MARCHF1: variants seen among roughly 807,000 people sequenced by gnomAD.
MARCHF1 encodes E3 ubiquitin-protein ligase MARCHF1.
MARCHF1 carries 40 observed loss-of-function variants against 54.2 expected under a neutral mutation model. The observed-to-expected ratio is 0.74, with a 90% CI of 0.57 to 0.96. MARCHF1 has a LOEUF of 0.96. MARCHF1 is among the 40% of genes least tolerant of loss of function. MARCHF1 has a pLI of 0.00. For missense variants in MARCHF1, 586 were observed against 656.5 expected (o/e 0.89, Z 1.17); for synonymous variants, 236 against 236.3 (o/e 1.00, Z 0.01).
intron 2 of MARCHF1, among the ~76,000 whole-genome samples, chr4:164,083,738 C>T (rs1301133994): frequency 1.3e-5 from 2 of 151,986 alleles, no homozygotes; most frequent in Non-Finnish European, 2.9e-5. Flanking sequence ...TCTAACACTA[C>T]CCAATTCTGC....
chr4:164,370,847 G>T (rs1463301238), intron 1 of MARCHF1, among the ~76,000 whole-genome samples: 3 of 152,080 alleles, frequency 2.0e-5, no homozygotes, highest in Non-Finnish European at 4.4e-5. Flanking sequence ...GGCGGAGGTT[G>T]CATTGAGCCG....
intron 4 of MARCHF1, among the ~76,000 whole-genome samples, chr4:163,806,613 A>T (rs935340406): frequency 1.3e-5 from 2 of 152,154 alleles, no homozygotes; most frequent in Non-Finnish European, 2.9e-5. Context: ...GGAGGGGTTT[A>T]CTTTCAGGTG....
chr4:164,038,081 T>C (rs1754047239), intron 2 of MARCHF1, among the ~76,000 whole-genome samples: 2 of 152,200 alleles, frequency 1.3e-5, no homozygotes, highest in Non-Finnish European at 2.9e-5. Context: ...TGTCAATATC[T>C]TGGTTGTGAT....
At chr4:164,054,238 C>T (rs1254786833) in intron 2 of MARCHF1, among the ~76,000 whole-genome samples, 2 of 151,874 alleles carry the variant, frequency 1.3e-5, no homozygotes, top group South Asian at 2.1e-4. Context: ...CCATCTCACA[C>T]CAGTTAGAAT....
intron 1 of MARCHF1, among the ~76,000 whole-genome samples, chr4:164,171,624 C>CA (rs1306678204): frequency 6.6e-6 from 1 of 152,074 alleles, no homozygotes; most frequent in Admixed American, 6.5e-5. Flanking sequence ...GGAAGGCACA[C>CA]AAATTACTAG....
At chr4:163,793,914 G>A (rs943506538) in intron 4 of MARCHF1, among the ~76,000 whole-genome samples, 2 of 152,282 alleles carry the variant, frequency 1.3e-5, no homozygotes, top group African/African-American at 2.4e-5. Context: ...TGTTGGAGAC[G>A]TGAGTCTTGC....
intron 3 of MARCHF1, among the ~76,000 whole-genome samples, chr4:163,879,541 T>C (rs1246586139): frequency 6.6e-6 from 1 of 152,228 alleles, no homozygotes; most frequent in Non-Finnish European, 1.5e-5. Flanking sequence ...CAAAGGCTTA[T>C]ATGTAAAGTA....
At chr4:163,899,763 TACAC>T (rs70948674) in intron 3 of MARCHF1, among the ~76,000 whole-genome samples, 94,223 of 148,730 alleles carry the variant, frequency 0.63, 29,676 homozygotes, top group Middle Eastern at 0.73. Flanking sequence ...TCTCACCCAC[TACAC>T]ACACACACAC....
chr4:163,893,457 G>A (rs1750708256), intron 3 of MARCHF1, among the ~76,000 whole-genome samples: 1 of 152,092 alleles, frequency 6.6e-6, no homozygotes, highest in Admixed American at 6.6e-5. Context: ...AGGGCTGTTT[G>A]CCATACAATC....
chr4:164,090,802 G>C (rs1755281784), intron 2 of MARCHF1, among the ~76,000 whole-genome samples: 1 of 152,022 alleles, frequency 6.6e-6, no homozygotes, highest in South Asian at 2.1e-4. Flanking sequence ...AAACTAATCA[G>C]AAAGTTTGTG....
chr4:164,022,979 A>C (rs1011165369), intron 2 of MARCHF1, among the ~76,000 whole-genome samples: 2 of 152,178 alleles, frequency 1.3e-5, no homozygotes, highest in South Asian at 4.1e-4. Flanking sequence ...CATCATTCAC[A>C]GGGTCCAGAG....
chr4:164,252,731 A>T (rs1013708814), intron 1 of MARCHF1, among the ~76,000 whole-genome samples: 3 of 152,178 alleles, frequency 2.0e-5, no homozygotes, highest in African/African-American at 7.2e-5. Context: ...AATATTATCA[A>T]TCTGAAATAA....
chr4:164,276,633 G>C (rs939906377), intron 1 of MARCHF1, among the ~76,000 whole-genome samples: 1 of 150,728 alleles, frequency 6.6e-6, no homozygotes, highest in African/African-American at 2.4e-5. Context: ...ACTGCACATT[G>C]TATACATGTA....
intron 1 of MARCHF1, among the ~76,000 whole-genome samples, chr4:164,141,828 C>G (rs921106102): frequency 3.3e-5 from 5 of 152,098 alleles, no homozygotes; most frequent in African/African-American, 4.8e-5. Context: ...CCAAGATGGC[C>G]GAATAGGAAC....
At chr4:163,624,601 A>G (rs1741806658) in intron 5 of MARCHF1, among the ~76,000 whole-genome samples, 2 of 152,180 alleles carry the variant, frequency 1.3e-5, no homozygotes, top group South Asian at 4.1e-4. Context: ...GATTAGGGAG[A>G]GATGAGGTCC....
At chr4:164,085,535 A>T (rs1368821134) in intron 2 of MARCHF1, among the ~76,000 whole-genome samples, 1 of 151,902 alleles carries the variant, frequency 6.6e-6, no homozygotes, top group Non-Finnish European at 1.5e-5. Context: ...ACAAAGTAGT[A>T]ATAATACCAA....
chr4:164,295,460 ACAC>A lies in MARCHF1; in HGVS notation c.-323+88407_-323+88409del, dbSNP rs1734387959. ...CACATACACACAAACACACACACAC[ACAC>A]ACACAACATACACTCTGACTACAGA... On this transcript the variant is annotated intron_variant, in intron 1 of 9. Coordinates refer to ENST00000514618, the MANE Select transcript of MARCHF1 (RefSeq NM_001394959.1). 2.0e-5 allele frequency among the ~76,000 whole-genome samples: 3 copies of A among 152,220 alleles called. No homozygotes were observed. The South Asian group carries it at 6.2e-4, about 32-fold the overall frequency.
At chr4:164,298,809 T>C (rs1260394138) in intron 1 of MARCHF1, among the ~76,000 whole-genome samples, 1 of 152,132 alleles carries the variant, frequency 6.6e-6, no homozygotes, top group Admixed American at 6.6e-5. Flanking sequence ...ATTCTACAAG[T>C]TAATCTAACA....
chr4:163,618,065 T>A (rs1039503075), intron 5 of MARCHF1, among the ~76,000 whole-genome samples: 2 of 152,208 alleles, frequency 1.3e-5, no homozygotes, highest in African/African-American at 4.8e-5. Context: ...ATAGCATTTA[T>A]GTCTACAGCC....
Sources: allele counts gnomAD v4.1 joint callset (sites outside exome capture counted in the v4.1 genomes callset), GRCh38; gene constraint gnomAD v4.1.1; transcripts MANE v1.5; gene names NCBI Gene and HGNC (gene_info 2026-07-23, HGNC 2026-07-21).